Variants in SDK1 observed in about 807,000 individuals in gnomAD.
SDK1 encodes the protein sidekick cell adhesion molecule 1.
SDK1 carries 157 observed loss-of-function variants against 245.5 expected under a neutral mutation model. The observed-to-expected ratio is 0.64, with a 90% CI of 0.56 to 0.73. The LOEUF is 0.73. Among genes scored for constraint, SDK1 ranks in the 30% least tolerant of loss-of-function variants. The pLI is 0.00. For missense variants in SDK1, 3,583 were observed against 3,002.3 expected, an observed-to-expected ratio of 1.19 and a Z score of -4.52; for synonymous variants, 1,647 against 1,278.5, an observed-to-expected ratio of 1.29 and a Z score of -6.15.
chr7:3,639,706 T>C (rs1782590552), intron 3 of SDK1, among the ~76,000 whole-genome samples: 1 of 152,148 alleles, frequency 6.6e-6, no homozygotes, highest in Admixed American at 6.5e-5. Flanking sequence ...AGAGCGAACT[T>C]GGCCTATGAA....
chr7:3,652,338 G>A (rs1783036256), intron 4 of SDK1, among the ~76,000 whole-genome samples: 2 of 152,158 alleles, frequency 1.3e-5, no homozygotes. Context: ...ATGCCAGGGG[G>A]AACAAAGTCC....
chr7:3,440,626 G>A (rs1780167697), intron 1 of SDK1, among the ~76,000 whole-genome samples: 1 of 152,148 alleles, frequency 6.6e-6, no homozygotes, highest in African/African-American at 2.4e-5. Flanking sequence ...ATTAGGATGT[G>A]CCAGAGAGAA....
chr7:4,145,570 T>G, intron 28 of SDK1, 152 bp from the exon 29 acceptor site: 3 of 633,338 alleles, frequency 4.7e-6, no homozygotes, highest in Non-Finnish European at 7.8e-6. Flanking sequence ...ATCACAGCCA[T>G]GAGACCACCC....
intron 5 of SDK1, among the ~76,000 whole-genome samples, chr7:3,900,117 C>G (rs1267156977): frequency 2.0e-5 from 3 of 152,256 alleles, no homozygotes; most frequent in Non-Finnish European, 4.4e-5. Flanking sequence ...CCAGTTTCCT[C>G]TTTGCTGAAG....
At chr7:3,961,585 T>A (rs1056429207) in intron 8 of SDK1, among the ~76,000 whole-genome samples, 1 of 151,692 alleles carries the variant, frequency 6.6e-6, no homozygotes, top group African/African-American at 2.4e-5. Context: ...AGGCAGCTTT[T>A]CCTGTATCCA....
At chr7:4,244,387 G>A (rs889347915) in intron 43 of SDK1, among the ~76,000 whole-genome samples, 1 of 152,078 alleles carries the variant, frequency 6.6e-6, no homozygotes, top group African/African-American at 2.4e-5. Flanking sequence ...TCTCACTATC[G>A]AGTCCCTGCA....
At chr7:4,109,839 G>A (rs1163303560) in intron 22 of SDK1, among the ~76,000 whole-genome samples, 1 of 152,186 alleles carries the variant, frequency 6.6e-6, no homozygotes, top group Admixed American at 6.5e-5. Flanking sequence ...GTGGGGCTCG[G>A]GGTCAGATTA....
rs1479264778 is a variant in SDK1, at chr7:4,221,135, C to G, written c.5702-104C>G. The G allele has an allele frequency of 4.3e-6, 6 of 1,397,634 alleles. No individual in the cohort carries two copies. In the South Asian group the frequency reaches 7.8e-5, roughly 18 times the overall value. 86.6% of individuals were successfully genotyped at this position (1,397,634 alleles called of 1,614,324 possible). ...AGGTTAAGTAACCTGCCCAGACACT[C>G]TGCAGCCTCGACCGGTCTGACCCCC... is the stretch of plus-strand genomic sequence containing the variant. On this transcript the variant is annotated intron_variant, in intron 39 of 44. Coordinates refer to ENST00000404826, the MANE Select transcript of SDK1 (RefSeq NM_152744.4).
intron 5 of SDK1, among the ~76,000 whole-genome samples, chr7:3,822,371 A>G (rs1779667005): frequency 6.6e-6 from 1 of 152,204 alleles, no homozygotes; most frequent in African/African-American, 2.4e-5. Context: ...TCAAAATATT[A>G]TTATCATATC....
intron 1 of SDK1, among the ~76,000 whole-genome samples, chr7:3,562,207 C>G (rs1440703605): frequency 6.6e-6 from 1 of 152,232 alleles, no homozygotes; most frequent in Non-Finnish European, 1.5e-5. Flanking sequence ...AGACTCTTAT[C>G]TCCAAGGATT....
chr7:3,580,989 A>AAAC (rs1554292870), intron 1 of SDK1, among the ~76,000 whole-genome samples: 1 of 136,410 alleles, frequency 7.3e-6, no homozygotes, highest in African/African-American at 2.8e-5. Context: ...AAAAAAAAAA[A>AAAC]AAAAACCAAA....
intron 1 of SDK1, among the ~76,000 whole-genome samples, chr7:3,428,624 A>G (rs1266065988): frequency 2.6e-5 from 4 of 152,206 alleles, no homozygotes; most frequent in Non-Finnish European, 4.4e-5. Flanking sequence ...CCATAGCCCT[A>G]TAGGAACTCT....
chr7:4,005,430 G>GTA (rs1472748618), intron 14 of SDK1, among the ~76,000 whole-genome samples: 1 of 141,890 alleles, frequency 7.0e-6, no homozygotes, highest in Non-Finnish European at 1.6e-5. Context: ...GTGTGTGTGT[G>GTA]TGTGTGTTAA....
intron 4 of SDK1, among the ~76,000 whole-genome samples, chr7:3,799,893 A>T (rs546452874): frequency 2.0e-5 from 3 of 152,162 alleles, no homozygotes; most frequent in East Asian, 3.9e-4. Flanking sequence ...GGGGTTTTTT[A>T]AAATTTATTC....
chr7:3,687,840 C>G (rs1023250299), intron 4 of SDK1, among the ~76,000 whole-genome samples: 1 of 152,186 alleles, frequency 6.6e-6, no homozygotes, highest in Admixed American at 6.5e-5. Flanking sequence ...CAGTGCTGTT[C>G]TATACTTCCG....
chr7:3,970,191 C>T (rs974622730), intron 11 of SDK1, among the ~76,000 whole-genome samples: 34 of 152,204 alleles, frequency 2.2e-4, no homozygotes, highest in Admixed American at 2.2e-3. Flanking sequence ...AATCTATCTA[C>T]ATGAGGAGAG....
chr7:3,701,594 G>C (rs918323261), intron 4 of SDK1, among the ~76,000 whole-genome samples: 2 of 152,020 alleles, frequency 1.3e-5, no homozygotes, highest in Admixed American at 1.3e-4. Flanking sequence ...GCGAGACCCT[G>C]TCTCAAAAAA....
At chr7:3,785,331 A>G (rs184431987) in intron 4 of SDK1, among the ~76,000 whole-genome samples, 80 of 152,282 alleles carry the variant, frequency 5.3e-4, no homozygotes, top group Non-Finnish European at 9.8e-4. Context: ...AGTGTCTGAG[A>G]GTAAATTTTA....
At position 4,210,282 on chromosome 7, in the gene SDK1, G is replaced by T. The variant is rs1422647663; in HGVS notation, c.5539+120G>T. On this transcript the variant is annotated intron_variant, in intron 38 of 44. Coordinates refer to ENST00000404826, the MANE Select transcript of SDK1 (RefSeq NM_152744.4). ...GGCCAGGAGCCTTCTGGCGCCTGAA[G>T]TGGGGGGTTTTGGAATCTGAGCTGG... 3 of 1,113,692 alleles carry T rather than the reference G, an allele frequency of 2.7e-6. No individual in the cohort carries two copies. The East Asian group carries it at 9.3e-5, about 35-fold the overall frequency. 69.0% of individuals were successfully genotyped at this position (1,113,692 alleles called of 1,614,324 possible).
Sources: gnomAD v4.1 joint callset for allele counts (sites outside exome capture counted in the v4.1 genomes callset) on GRCh38, gnomAD v4.1.1 for gene constraint, MANE v1.5 for transcripts, NCBI Gene and HGNC (gene_info 2026-07-23, HGNC 2026-07-21) for gene names.